The following OSBPL1A variants were observed in gnomAD, a reference collection of about 807,000 sequenced individuals.
OSBPL1A encodes oxysterol-binding protein-related protein 1.
OSBPL1A carries 80 observed loss-of-function variants against 137.1 expected under a neutral mutation model. The ratio of observed to expected loss-of-function variants is 0.58; its 90% confidence interval spans 0.49 to 0.70. The LOEUF is 0.70. Ranked by LOEUF, OSBPL1A falls within the 30% of genes least tolerant of loss-of-function variation. The pLI, the probability that OSBPL1A is intolerant of heterozygous loss-of-function variation, is 0.00. For missense variants in OSBPL1A, 970 were observed against 1,129.4 expected (o/e 0.86, Z 2.02); for synonymous variants, 365 against 389.7 (o/e 0.94, Z 0.75).
chr18:24,180,879 A>T (rs935740920), intron 19 of OSBPL1A, among the ~76,000 whole-genome samples: 1 of 152,142 alleles, frequency 6.6e-6, no homozygotes, highest in African/African-American at 2.4e-5. Context: ...TCTGTCTCAC[A>T]CACACACAAA....
At position 24,312,064 on chromosome 18, in the gene OSBPL1A, G is replaced by A. The variant is rs2090628310; in HGVS notation, c.1012C>T (p.His338Tyr). The A allele has an allele frequency of 6.2e-7, 1 of 1,614,038 alleles. No individual in the cohort carries two copies. Among genetic ancestry groups the A allele is most frequent in the Non-Finnish European group, 8.5e-7 (1 of 1,179,928 alleles). Residue 338 changes from histidine (H) to tyrosine (Y), a missense_variant, in exon 13 of 28, where the codon CAC (histidine) becomes TAC (tyrosine). Around this residue, in one of 2 missense-constraint regions of OSBPL1A, gnomAD observed 647 missense variants for 672.6 expected, o/e 0.96. Coordinates refer to ENST00000319481, the MANE Select transcript of OSBPL1A (RefSeq NM_080597.4). ...AIEEHSAYSTHYCSQDQLTDE... is the reference protein window; with the variant it reads ...AIEEHSAYSTYYCSQDQLTDE... ...GTCAGCTGGTCCTGGGAACAGTAGT[G>A]AGTGCTGTAAGCAGAATGTTCTTCT...
intron 7 of OSBPL1A, among the ~76,000 whole-genome samples, chr18:24,323,212 G>A (rs994229364): frequency 2.0e-5 from 3 of 151,762 alleles, no homozygotes; most frequent in African/African-American, 2.4e-5. Context: ...TTTTTAATGC[G>A]ATACTGTCGA....
intron 21 of OSBPL1A, among the ~76,000 whole-genome samples, chr18:24,175,100 A>ATGTG (rs36098607): frequency 1.7e-5 from 1 of 59,528 alleles, no homozygotes; most frequent in Non-Finnish European, 2.9e-5. Context: ...CTTATTTGCC[A>ATGTG]TGTGTATGTA....
Position 24,314,295 on chromosome 18 carries a change from A to G in OSBPL1A, c.923T>C (p.Ile308Thr). The G allele has an allele frequency of 6.2e-7, 1 of 1,612,136 alleles. No homozygotes were observed. The highest frequency in any genetic ancestry group is 8.5e-7 in the Non-Finnish European group (1 of 1,179,392). ...LFFIKCFDDT[I>T]HGFRVPKNSL... The stretch of plus-strand genomic sequence containing the variant: ...ATTCTTAGGAACCCGGAAGCCATGA[A>G]TGGTGTCATCAAAGCATTTAATAAA... Residue 308 changes from isoleucine (I) to threonine (T), a missense_variant, in exon 12 of 28, where the codon ATT becomes ACT. By Grantham distance (89) the Ile-to-Thr change is moderately conservative. This residue lies in a region of OSBPL1A where 647 missense variants were observed against 672.6 expected (regional missense o/e 0.96). Coordinates refer to ENST00000319481, the MANE Select transcript of OSBPL1A (RefSeq NM_080597.4).
chr18:24,332,616 T>C (rs1365852516), intron 7 of OSBPL1A, among the ~76,000 whole-genome samples: 1 of 145,934 alleles, frequency 6.9e-6, no homozygotes, highest in Non-Finnish European at 1.5e-5. Context: ...TTCATGAAAA[T>C]GTTGTGACCC....
At chr18:24,393,515 C>T (rs1390993728) in intron 1 of OSBPL1A, among the ~76,000 whole-genome samples, 22 of 152,230 alleles carry the variant, frequency 1.4e-4, no homozygotes, top group African/African-American at 4.6e-4. Context: ...TGCAGTGGCA[C>T]GATCTCCGCT....
At chr18:24,236,366 T>G (rs1308681020) in intron 16 of OSBPL1A, among the ~76,000 whole-genome samples, 1 of 151,256 alleles carries the variant, frequency 6.6e-6, no homozygotes, top group African/African-American at 2.4e-5. Flanking sequence ...TGTAATAGAG[T>G]GAAGGAGGAA....
At chr18:24,205,295 C>T (rs189579402) in intron 17 of OSBPL1A, among the ~76,000 whole-genome samples, 3 of 152,290 alleles carry the variant, frequency 2.0e-5, no homozygotes, top group African/African-American at 4.8e-5. Flanking sequence ...AATGACAATA[C>T]TAGTGTTTCA....
intron 15 of OSBPL1A, among the ~76,000 whole-genome samples, 193 bp from the exon 16 acceptor site, chr18:24,239,575 T>C (rs2088614621): frequency 1.3e-5 from 2 of 152,212 alleles, no homozygotes; most frequent in African/African-American, 4.8e-5. Context: ...GGGCCTTTTC[T>C]GGCAACAGCT....
intron 1 of OSBPL1A, among the ~76,000 whole-genome samples, chr18:24,380,690 G>T (rs918860250): frequency 6.6e-6 from 1 of 152,188 alleles, no homozygotes; most frequent in South Asian, 2.1e-4. Flanking sequence ...GGTGGCTCAC[G>T]CCTGTAATCC....
chr18:24,165,934 G>A (rs1386307142), intron 26 of OSBPL1A, among the ~76,000 whole-genome samples: 3 of 151,924 alleles, frequency 2.0e-5, no homozygotes, highest in South Asian at 4.1e-4. Context: ...CCATTTCCAC[G>A]AAAAATACAA....
intron 14 of OSBPL1A, among the ~76,000 whole-genome samples, chr18:24,285,658 C>T (rs1326665316): frequency 6.6e-6 from 1 of 151,926 alleles, no homozygotes; most frequent in Non-Finnish European, 1.5e-5. Context: ...ATGTATGTGG[C>T]TTTTTTTAAT....
chr18:24,372,047 G>A (rs944357953), intron 2 of OSBPL1A, among the ~76,000 whole-genome samples: 1 of 152,078 alleles, frequency 6.6e-6, no homozygotes, highest in Admixed American at 6.5e-5. Flanking sequence ...AGGCCAAGGC[G>A]GATAGACTGA....
In OSBPL1A at chr18:24,350,023, A is replaced by G. The variant is rs796950714; in HGVS notation, c.283-8365T>C. ...GTAAACAGTAAAATTCTAGGACACC[A>G]AGGGTGAAGGGAAGATCCCATCTGA... On this transcript the variant is annotated intron_variant, in intron 4 of 27. Coordinates refer to ENST00000319481, the MANE Select transcript of OSBPL1A (RefSeq NM_080597.4). Among the ~76,000 whole-genome samples, 6 of 152,358 alleles carry G rather than the reference A, an allele frequency of 3.9e-5. 1 individual carries two copies. Among genetic ancestry groups the G allele is most frequent in the African/African-American group, 1.4e-4 (6 of 41,590 alleles).
chr18:24,280,480 A>C (rs2089934802), intron 15 of OSBPL1A, among the ~76,000 whole-genome samples: 1 of 152,236 alleles, frequency 6.6e-6, no homozygotes, highest in Non-Finnish European at 1.5e-5. Context: ...CTTAGTTTAC[A>C]TAGATAAGTA....
At chr18:24,209,074 TA>T (rs1303081050) in intron 17 of OSBPL1A, among the ~76,000 whole-genome samples, 2 of 152,258 alleles carry the variant, frequency 1.3e-5, no homozygotes, top group African/African-American at 4.8e-5. Context: ...TGGACTTCAT[TA>T]AAATTAAAGA....
chr18:24,321,243 G>C (rs2090848955), intron 7 of OSBPL1A, among the ~76,000 whole-genome samples: 1 of 152,060 alleles, frequency 6.6e-6, no homozygotes. Flanking sequence ...GGTGCACAGA[G>C]TTGTGCAACT....
intron 17 of OSBPL1A, among the ~76,000 whole-genome samples, chr18:24,197,314 T>C (rs1449435912): frequency 6.6e-6 from 1 of 151,774 alleles, no homozygotes; most frequent in Non-Finnish European, 1.5e-5. Context: ...GCCATTGCAC[T>C]CCAGCCTGGG....
At chr18:24,252,818 C>T (rs1430058121) in intron 15 of OSBPL1A, among the ~76,000 whole-genome samples, 1 of 151,866 alleles carries the variant, frequency 6.6e-6, no homozygotes, top group Non-Finnish European at 1.5e-5. Flanking sequence ...AGGTAAAAAG[C>T]CGGGAGAATG....
Sources: gnomAD v4.1 joint callset for allele counts (sites outside exome capture counted in the v4.1 genomes callset) on GRCh38, gnomAD v4.1.1 for gene constraint, gnomAD v4.1.1 regional missense constraint, MANE v1.5 for transcripts, NCBI Gene and HGNC (gene_info 2026-07-23, HGNC 2026-07-21) for gene names.